Variants in NTN4 observed in about 807,000 individuals in gnomAD.
NTN4 encodes the protein netrin-4.
A neutral mutation model predicts 73.6 loss-of-function variants in NTN4; 32 were observed. The ratio of observed to expected loss-of-function variants is 0.44; its 90% CI spans 0.33 to 0.58. The LOEUF is 0.58. Ranked by LOEUF, NTN4 falls within the 20% of genes least tolerant of loss-of-function variation. NTN4 has a pLI of 0.04. For synonymous variants in NTN4, 258 were observed against 287.5 expected (o/e 0.90, Z 1.04); for missense variants, 654 against 798.3 (o/e 0.82, Z 2.18).
At position 95,781,697 on chromosome 12, in the gene NTN4, C is replaced by G. The variant is rs1429523874; in HGVS notation, c.585+5242G>C. On this transcript the variant is annotated intron_variant, in intron 2 of 9. Coordinates refer to ENST00000343702, the MANE Select transcript of NTN4 (RefSeq NM_021229.4). The surrounding 1 kb of genome is among the most constrained non-coding windows in gnomAD (Gnocchi z 4.1). ...CTCCATTTGTTTATGTTCCCCATTT[C>G]TTTTTTCTGCTTTAATTGAATAAAA... 6.6e-6 allele frequency among the ~76,000 whole-genome samples: 1 copy of G among 152,110 alleles called. No homozygotes were observed. Among genetic ancestry groups the G allele is most frequent in the African/African-American group, 2.4e-5 (1 of 41,420 alleles).
intron 3 of NTN4, among the ~76,000 whole-genome samples, chr12:95,733,779 A>C (rs2078755366): frequency 6.6e-6 from 1 of 152,088 alleles, no homozygotes; most frequent in Admixed American, 6.6e-5. Flanking sequence ...TTTAAAAGAC[A>C]CAGGAGGGGG....
chr12:95,706,834 G>A (rs2078524947), intron 5 of NTN4, among the ~76,000 whole-genome samples: 1 of 152,156 alleles, frequency 6.6e-6, no homozygotes, highest in Non-Finnish European at 1.5e-5. Context: ...ATGCTTTATT[G>A]AGATCAGTGT....
At chr12:95,741,438 TATATATATATATATATATATATA>T (rs2078824318) in intron 2 of NTN4, among the ~76,000 whole-genome samples, 3 of 101,064 alleles carry the variant, frequency 3.0e-5, no homozygotes, top group South Asian at 3.4e-4. Context: ...TATATATATA[TATATATATATATATATATATATA>T]TATATATATA....
chr12:95,787,249 G>T lies in NTN4; in HGVS notation c.275C>A (p.Ser92Tyr). ...AAYPHLAHLP[S>Y]AMADSSFRFP... is the part of the protein sequence containing the mutation. ...CCGGAAGGATGAGTCTGCCATGGCAGATGGCAGGTGAGCCAGGTGAGGATA... is the reference window on the plus strand; with the variant it reads ...CCGGAAGGATGAGTCTGCCATGGCATATGGCAGGTGAGCCAGGTGAGGATA... Residue 92 changes from serine to tyrosine, a missense_variant, in exon 2 of 10, where the codon TCT becomes TAT. Physicochemically the swap from Ser to Tyr is moderately radical, Grantham distance 144. Coordinates refer to ENST00000343702, the MANE Select transcript of NTN4 (RefSeq NM_021229.4). The T allele has an allele frequency of 6.2e-7, 1 of 1,614,218 alleles. No individual in the cohort carries two copies. Among genetic ancestry groups the T allele is most frequent in the Non-Finnish European group, 8.5e-7 (1 of 1,180,016 alleles).
intron 9 of NTN4, among the ~76,000 whole-genome samples, chr12:95,661,097 T>C (rs1178161539): frequency 2.0e-5 from 3 of 151,542 alleles, no homozygotes; most frequent in Admixed American, 2.0e-4. Context: ...TGAAAACACA[T>C]TAAATCCATA....
intron 2 of NTN4, among the ~76,000 whole-genome samples, chr12:95,745,824 T>C (rs1464724730): frequency 6.6e-6 from 1 of 151,850 alleles, no homozygotes; most frequent in Admixed American, 6.6e-5. Context: ...GTCTTGCTTT[T>C]ACATTTTGTT....
chr12:95,716,185 C>G (rs1014382104), intron 3 of NTN4, among the ~76,000 whole-genome samples: 2 of 151,662 alleles, frequency 1.3e-5, no homozygotes, highest in Non-Finnish European at 2.9e-5. Flanking sequence ...GGAGTTCTAT[C>G]TAAGGAGGGC....
intron 8 of NTN4, among the ~76,000 whole-genome samples, chr12:95,669,526 C>T (rs2078210560): frequency 6.6e-6 from 1 of 152,130 alleles, no homozygotes; most frequent in African/African-American, 2.4e-5. Context: ...GCTTTTCAAA[C>T]ATCTCATTCC....
intron 2 of NTN4, among the ~76,000 whole-genome samples, chr12:95,772,706 T>G (rs1248271279): frequency 6.6e-6 from 1 of 152,214 alleles, no homozygotes; most frequent in African/African-American, 2.4e-5. Context: ...ACTTACTTCT[T>G]TCTCTTACAG....
intron 3 of NTN4, among the ~76,000 whole-genome samples, chr12:95,716,906 C>T (rs1322651233): frequency 2.0e-5 from 3 of 151,946 alleles, no homozygotes; most frequent in African/African-American, 2.4e-5. Context: ...AATTCCTGGG[C>T]GGAAGTGATC....
Position 95,708,256 on chromosome 12 carries a change from T to TTTTATTTATA in NTN4, c.1180+2184_1180+2185insTATAAATAAA, listed in dbSNP as rs1555216345. On this transcript the variant is annotated intron_variant, in intron 5 of 9. Coordinates refer to ENST00000343702, the MANE Select transcript of NTN4 (RefSeq NM_021229.4). ...TTTCATTTTTATTTCTTTATTGTTA[T>TTTTATTTATA]TTTATTTATTTATTTATTTATTTAT... 3.1e-3 allele frequency among the ~76,000 whole-genome samples: 438 copies of TTTTATTTATA among 142,418 alleles called. 1 individual carries two copies. The highest frequency in any genetic ancestry group is 0.011 in the African/African-American group (426 of 38,500). 93.4% of individuals were successfully genotyped at this position (142,418 alleles called of 152,430 possible).
intron 3 of NTN4, among the ~76,000 whole-genome samples, chr12:95,735,979 C>T (rs190630708): frequency 1.3e-5 from 2 of 150,972 alleles, no homozygotes; most frequent in Admixed American, 6.6e-5. Flanking sequence ...TGCTTTGTCA[C>T]TCAGGCTAGA....
chr12:95,678,183 T>C (rs568563509), intron 7 of NTN4, among the ~76,000 whole-genome samples: 1 of 151,670 alleles, frequency 6.6e-6, no homozygotes, highest in South Asian at 2.1e-4. Flanking sequence ...CTGGGGCCTA[T>C]TAGGGGTGTG....
At chr12:95,745,061 C>T (rs924815958) in intron 2 of NTN4, among the ~76,000 whole-genome samples, 3 of 151,864 alleles carry the variant, frequency 2.0e-5, no homozygotes, top group Non-Finnish European at 4.4e-5. Context: ...ATTTTTTTCT[C>T]TGGCTGCTTT....
intron 5 of NTN4, among the ~76,000 whole-genome samples, chr12:95,703,003 G>T (rs2078497598): frequency 1.3e-5 from 2 of 151,896 alleles, no homozygotes; most frequent in Admixed American, 6.6e-5. Flanking sequence ...GATTACATGT[G>T]CCTGCCACCA....
At chr12:95,725,082 A>G (rs2078682487) in intron 3 of NTN4, among the ~76,000 whole-genome samples, 2 of 148,156 alleles carry the variant, frequency 1.3e-5, no homozygotes, top group African/African-American at 4.9e-5. Context: ...GGAAAAGGGG[A>G]TTACATCGAT....
chr12:95,752,749 T>C (rs113547885), intron 2 of NTN4, among the ~76,000 whole-genome samples: 10,259 of 152,288 alleles, frequency 0.067, 490 homozygotes, highest in Non-Finnish European at 0.097. Context: ...GACCACACCG[T>C]GTAGCCTTTC....
At chr12:95,760,292 A>G (rs933715354) in intron 2 of NTN4, among the ~76,000 whole-genome samples, 1 of 152,224 alleles carries the variant, frequency 6.6e-6, no homozygotes, top group African/African-American at 2.4e-5. Context: ...TCCCAGACTC[A>G]TAGGAATACT....
chr12:95,759,085 G>T (rs2078966735), intron 2 of NTN4, among the ~76,000 whole-genome samples: 1 of 152,168 alleles, frequency 6.6e-6, no homozygotes, highest in South Asian at 2.1e-4. Context: ...CTTCACATAT[G>T]AATGTCTAAT....
Sources: allele counts gnomAD v4.1 joint callset (sites outside exome capture counted in the v4.1 genomes callset), GRCh38; gene constraint gnomAD v4.1.1; non-coding constraint Gnocchi (gnomAD v3.1); transcripts MANE v1.5; gene names NCBI Gene and HGNC (gene_info 2026-07-23, HGNC 2026-07-21).